CPA6: variants seen among roughly 807,000 people sequenced by gnomAD.
CPA6 encodes carboxypeptidase A6, also known as carboxypeptidase B.
In CPA6, 58 loss-of-function variants were observed where a neutral mutation model predicts 63.3. That is an observed-to-expected ratio of 0.92 (90% CI 0.74 to 1.14). The LOEUF (loss-of-function observed/expected upper bound fraction) is 1.14. Ranked by LOEUF, CPA6 falls within the 50% of genes most tolerant of loss-of-function variation. CPA6 has a pLI of 0.00. For synonymous variants in CPA6, 185 were observed against 179.0 expected (o/e 1.03, Z -0.27); for missense variants, 565 against 526.6 (o/e 1.07, Z -0.71).
At chr8:67,497,619 A>G (rs2128963267) in intron 6 of CPA6, among the ~76,000 whole-genome samples, 1 of 152,264 alleles carries the variant, frequency 6.6e-6, no homozygotes, top group South Asian at 2.1e-4. Flanking sequence ...TTGGGGTCAC[A>G]TAGTAACTCT....
chr8:67,693,900 T>C (rs1816861900), intron 1 of CPA6, among the ~76,000 whole-genome samples: 2 of 152,208 alleles, frequency 1.3e-5, no homozygotes, highest in Admixed American at 1.3e-4. Context: ...TCAACTAAAA[T>C]TCAGGGGCCT....
rs548467381 is a variant in CPA6, at chr8:67,507,472, T to C, written c.535-584A>G. Among the ~76,000 whole-genome samples the C allele has an allele frequency of 4.7e-4, 72 of 152,280 alleles. 1 individual carries two copies. The highest frequency in any genetic ancestry group is 3.4e-3 in the Middle Eastern group (1 of 292). On this transcript the variant is annotated intron_variant, in intron 5 of 10. Transcript: ENST00000297770. ...TAGATTTTTCTTTACAATCCTACCA[T>C]ATCAATATTACTTTTAACCTGGTTG... is the stretch of plus-strand genomic sequence containing the variant.
At chr8:67,536,016 G>C (rs1201922338) in intron 2 of CPA6, among the ~76,000 whole-genome samples, 1 of 152,176 alleles carries the variant, frequency 6.6e-6, no homozygotes, top group Non-Finnish European at 1.5e-5. Flanking sequence ...GTTGGTTGTA[G>C]ATGTGTGGTG....
chr8:67,438,877 C>A (rs1484672239), intron 8 of CPA6, among the ~76,000 whole-genome samples: 3 of 151,668 alleles, frequency 2.0e-5, no homozygotes, highest in African/African-American at 7.3e-5. Flanking sequence ...GAAAAAAAAA[C>A]TTAAGTATGA....
In CPA6 at chr8:67,484,702, C is replaced by T. The variant is rs2128961364; in HGVS notation, c.724G>A (p.Gly242Arg). 6.3e-7 allele frequency: 1 copy of T among 1,595,546 alleles called. No homozygotes were observed. Residue 242 changes from glycine to arginine, a missense_variant, in exon 7 of 11, where the codon GGA becomes AGA. By Grantham distance (125) the Gly-to-Arg change is moderately radical. Coordinates refer to ENST00000297770, the MANE Select transcript of CPA6 (RefSeq NM_020361.5). Reference sequence around the variant, plus strand: ...ACATTGGTCCAACTAAAATGGTATCCATCGACGTTAAACACAGGCATGATA... The same window carrying T: ...ACATTGGTCCAACTAAAATGGTATCTATCGACGTTAAACACAGGCATGATA... Reference protein sequence around the residue: ...FYIMPVFNVDGYHFSWTNDRF... With the variant: ...FYIMPVFNVDRYHFSWTNDRF...
At chr8:67,513,896 G>C (rs1812091110) in intron 3 of CPA6, among the ~76,000 whole-genome samples, 1 of 152,046 alleles carries the variant, frequency 6.6e-6, no homozygotes, top group African/African-American at 2.4e-5. Context: ...TCTGAGTGAT[G>C]CCATTACTCA....
chr8:67,501,739 G>C (rs1292321995), intron 6 of CPA6, among the ~76,000 whole-genome samples: 1 of 152,014 alleles, frequency 6.6e-6, no homozygotes, highest in Non-Finnish European at 1.5e-5. Context: ...CTCTAGTTTT[G>C]GTATCAGGCT....
chr8:67,630,601 C>T lies in CPA6; in HGVS notation c.117-6350G>A, dbSNP rs111951831. Among the ~76,000 whole-genome samples, 13 of 152,374 alleles carry T rather than the reference C, an allele frequency of 8.5e-5. No homozygotes were observed. The South Asian group carries it at 2.3e-3, about 27-fold the overall frequency. On this transcript the variant is annotated intron_variant, in intron 1 of 10. Coordinates refer to ENST00000297770, the MANE Select transcript of CPA6 (RefSeq NM_020361.5). ...CCCTCGCTCCCTCTCAGTGCCTCCT[C>T]GGCCTCAATGCCCACTCTGGCCATG... is the stretch of plus-strand genomic sequence containing the variant.
chr8:67,423,731 G>A (rs1158904284), intron 10 of CPA6, among the ~76,000 whole-genome samples: 1 of 152,118 alleles, frequency 6.6e-6, no homozygotes, highest in Non-Finnish European at 1.5e-5. Flanking sequence ...GTTGCTGTAG[G>A]TTCCTTTTCT....
intron 1 of CPA6, among the ~76,000 whole-genome samples, chr8:67,733,157 A>G (rs1817741466): frequency 7.7e-6 from 1 of 130,036 alleles, no homozygotes; most frequent in Non-Finnish European, 1.6e-5. Context: ...GATTCGCACC[A>G]CTGCACTCCA....
At chr8:67,603,695 G>C (rs1814554033) in intron 2 of CPA6, among the ~76,000 whole-genome samples, 1 of 152,152 alleles carries the variant, frequency 6.6e-6, no homozygotes, top group African/African-American at 2.4e-5. Context: ...TCTGAAAAAA[G>C]TACCCAGGCA....
At chr8:67,663,101 G>A (rs1019699882) in intron 1 of CPA6, among the ~76,000 whole-genome samples, 14 of 152,180 alleles carry the variant, frequency 9.2e-5, no homozygotes, top group African/African-American at 3.1e-4. Context: ...TCTATGAAGA[G>A]TTCTCTATTC....
At chr8:67,536,727 T>C (rs1335845527) in intron 2 of CPA6, among the ~76,000 whole-genome samples, 1 of 152,194 alleles carries the variant, frequency 6.6e-6, no homozygotes, top group Non-Finnish European at 1.5e-5. Context: ...GAACTTCCAA[T>C]ACTATGTTGA....
chr8:67,439,810 G>A (rs1810249206), intron 8 of CPA6, among the ~76,000 whole-genome samples: 1 of 151,956 alleles, frequency 6.6e-6, no homozygotes, highest in African/African-American at 2.4e-5. Context: ...ATTTTTAATA[G>A]AGATGAGGTC....
rs143100631 is a variant in CPA6, at chr8:67,691,271, G to A, written c.116+54743C>T. ...GCACAGCTCTACACCTGTGATCGAGGTTGGTGGTGACTATCAATATCTTTG... is the reference window on the plus strand; with the variant it reads ...GCACAGCTCTACACCTGTGATCGAGATTGGTGGTGACTATCAATATCTTTG... On this transcript the variant is annotated intron_variant, in intron 1 of 10. Transcript: ENST00000297770. Among the ~76,000 whole-genome samples, 299 of 152,316 alleles carry A rather than the reference G, an allele frequency of 2.0e-3. 3 individuals carry two copies. The South Asian group carries it at 0.029, about 15-fold the overall frequency.
chr8:67,488,516 G>C (rs1332609867), intron 6 of CPA6, among the ~76,000 whole-genome samples: 1 of 152,166 alleles, frequency 6.6e-6, no homozygotes, highest in African/African-American at 2.4e-5. Flanking sequence ...TTTTGGCTTA[G>C]GATTGTCTTG....
intron 2 of CPA6, among the ~76,000 whole-genome samples, chr8:67,602,380 T>A (rs556150124): frequency 2.6e-5 from 4 of 152,254 alleles, no homozygotes; most frequent in Admixed American, 2.0e-4. Flanking sequence ...AAATTGTATA[T>A]CCTTTGAACA....
intron 2 of CPA6, among the ~76,000 whole-genome samples, chr8:67,545,806 G>A (rs1351784401): frequency 6.6e-6 from 1 of 151,874 alleles, no homozygotes; most frequent in African/African-American, 2.4e-5. Context: ...TAGGTGATCC[G>A]CCCACCTCGG....
intron 2 of CPA6, among the ~76,000 whole-genome samples, chr8:67,582,754 G>A (rs2128978791): frequency 6.6e-6 from 1 of 151,510 alleles, no homozygotes; most frequent in South Asian, 2.1e-4. Flanking sequence ...GTCAGTCATG[G>A]TTGTAGTTCA....
Sources: gnomAD v4.1 joint callset for allele counts (sites outside exome capture counted in the v4.1 genomes callset) on GRCh38, gnomAD v4.1.1 for gene constraint, MANE v1.5 for transcripts, NCBI Gene and HGNC (gene_info 2026-07-23, HGNC 2026-07-21) for gene names.